The following KAZN variants were observed in gnomAD, a reference collection of about 807,000 sequenced individuals.
KAZN encodes kazrin.
In KAZN, 40 loss-of-function variants were observed where a neutral mutation model predicts 87.4. The observed-to-expected ratio is 0.46, with a 90% confidence interval of 0.36 to 0.60. The LOEUF (loss-of-function observed/expected upper bound fraction) is 0.60, where lower values mean the gene tolerates loss of function less well. Ranked by LOEUF, KAZN falls within the 20% of genes least tolerant of loss-of-function variation. The pLI is 0.00. For synonymous variants in KAZN, 466 were observed against 458.3 expected (o/e 1.02, Z -0.22); for missense variants, 898 against 1,073.9 (o/e 0.84, Z 2.29).
At chr1:14,146,536 C>CAAA (rs55928646) in intron 1 of KAZN, among the ~76,000 whole-genome samples, 34 of 63,436 alleles carry the variant, frequency 5.4e-4, no homozygotes, top group East Asian at 1.5e-3. Context: ...AACTCCATCT[C>CAAA]AAAAAAAAAA....
intron 2 of KAZN, among the ~76,000 whole-genome samples, chr1:14,573,818 T>A (rs1275081566): frequency 6.6e-6 from 1 of 152,232 alleles, no homozygotes; most frequent in East Asian, 1.9e-4. Context: ...TTGTCACTTT[T>A]GAGGATGGAG....
intron 2 of KAZN, among the ~76,000 whole-genome samples, chr1:15,005,399 A>G (rs12048978): frequency 0.17 from 25,594 of 152,050 alleles, 2,405 homozygotes; most frequent in East Asian, 0.35. Flanking sequence ...TGACCCTGCC[A>G]ACTCTGTCCC....
At chr1:14,199,749 A>T (rs1646601854) in intron 2 of KAZN, among the ~76,000 whole-genome samples, 1 of 152,198 alleles carries the variant, frequency 6.6e-6, no homozygotes, top group Non-Finnish European at 1.5e-5. Flanking sequence ...TGCAGCAAAG[A>T]CATATTCAGA....
chr1:14,891,870 TG>T (rs1471236071), intron 1 of KAZN, among the ~76,000 whole-genome samples: 1 of 152,172 alleles, frequency 6.6e-6, no homozygotes, highest in Non-Finnish European at 1.5e-5. Context: ...GTTATTTCCA[TG>T]GTTGGGGGTG....
At chr1:14,474,460 T>C (rs1316996505) in intron 2 of KAZN, among the ~76,000 whole-genome samples, 1 of 152,124 alleles carries the variant, frequency 6.6e-6, no homozygotes, top group Non-Finnish European at 1.5e-5. Flanking sequence ...CTATTCAGGG[T>C]ATAGTAGCAG....
chr1:14,245,154 G>A (rs1649377873), intron 2 of KAZN, among the ~76,000 whole-genome samples: 1 of 151,850 alleles, frequency 6.6e-6, no homozygotes, highest in Non-Finnish European at 1.5e-5. Context: ...TACTAGAGTT[G>A]GGGTTTCACC....
intron 1 of KAZN, among the ~76,000 whole-genome samples, chr1:14,932,066 C>T (rs1418182459): frequency 3.3e-5 from 5 of 152,168 alleles, no homozygotes; most frequent in African/African-American, 1.2e-4. Flanking sequence ...CTCCAGGCTG[C>T]CCACCAGCAC....
chr1:14,639,653 A>AT lies in KAZN; in HGVS notation c.226+40441dup, dbSNP rs371396058. Among the ~76,000 whole-genome samples, 441 of 148,806 alleles carry AT rather than the reference A, an allele frequency of 3.0e-3. 4 individuals are homozygous for AT. In the South Asian group the frequency reaches 0.036, roughly 12 times the overall value. On this transcript the variant is annotated intron_variant, in intron 1 of 14. Coordinates refer to ENST00000376030, the MANE Select transcript of KAZN (RefSeq NM_201628.3). ...CACAAGCTGTTTGTAAACTTCAGCAATTTTTTTTTTTACCATCTCTACTGT... is the reference window on the plus strand; with the variant it reads ...CACAAGCTGTTTGTAAACTTCAGCAATTTTTTTTTTTTACCATCTCTACTGT...
At chr1:14,835,037 G>A (rs148870577) in intron 1 of KAZN, among the ~76,000 whole-genome samples, 1 of 152,314 alleles carries the variant, frequency 6.6e-6, no homozygotes, top group Non-Finnish European at 1.5e-5. Flanking sequence ...GGCTTATTTT[G>A]GCAAGCAGGC....
intron 2 of KAZN, among the ~76,000 whole-genome samples, chr1:15,008,799 C>T (rs946754798): frequency 6.6e-6 from 1 of 152,080 alleles, no homozygotes; most frequent in African/African-American, 2.4e-5. Flanking sequence ...TGGGCAGAGG[C>T]GGCAAAGTCA....
chr1:14,674,687 TG>T (rs1207332099), intron 1 of KAZN, among the ~76,000 whole-genome samples: 1 of 152,250 alleles, frequency 6.6e-6, no homozygotes, highest in African/African-American at 2.4e-5. Flanking sequence ...AACTGGGTCC[TG>T]TAGCTGAAAG....
At chr1:13,966,625 AC>A (rs1471819760) in intron 1 of KAZN, among the ~76,000 whole-genome samples, 1 of 152,148 alleles carries the variant, frequency 6.6e-6, no homozygotes, top group Non-Finnish European at 1.5e-5. Flanking sequence ...CTTGGTGTCT[AC>A]CACAGTAGCC....
At chr1:14,230,610 G>A (rs972252819) in intron 2 of KAZN, among the ~76,000 whole-genome samples, 1 of 152,152 alleles carries the variant, frequency 6.6e-6, no homozygotes, top group East Asian at 1.9e-4. Flanking sequence ...TCTAACTAGA[G>A]ATTTGGTTAA....
intron 1 of KAZN, among the ~76,000 whole-genome samples, chr1:14,899,809 C>T (rs948631519): frequency 4.6e-5 from 7 of 152,142 alleles, no homozygotes; most frequent in South Asian, 2.1e-4. Flanking sequence ...TGTGAGCAAC[C>T]GTCTTAAGCA....
chr1:14,854,007 A>AG (rs984852156), intron 1 of KAZN, among the ~76,000 whole-genome samples: 1 of 152,190 alleles, frequency 6.6e-6, no homozygotes, highest in Non-Finnish European at 1.5e-5. Context: ...AGTCTCAGGC[A>AG]GGGACAATGT....
At chr1:13,986,131 A>G (rs2101094864) in intron 1 of KAZN, among the ~76,000 whole-genome samples, 1 of 152,372 alleles carries the variant, frequency 6.6e-6, no homozygotes, top group Non-Finnish European at 1.5e-5. Flanking sequence ...TTCCAACAGC[A>G]GTGTATGAGA....
At chr1:14,217,121 C>G (rs953221153) in intron 2 of KAZN, among the ~76,000 whole-genome samples, 1 of 152,120 alleles carries the variant, frequency 6.6e-6, no homozygotes, top group African/African-American at 2.4e-5. Context: ...CTTTCCCTCT[C>G]TCTTTGCTCT....
intron 8 of KAZN, among the ~76,000 whole-genome samples, chr1:15,091,395 A>G (rs1485654249): frequency 6.6e-6 from 1 of 152,162 alleles, no homozygotes; most frequent in East Asian, 1.9e-4. Flanking sequence ...CCCAGACTGG[A>G]GTGCAGTGGC....
intron 1 of KAZN, among the ~76,000 whole-genome samples, chr1:14,679,876 A>G (rs888082012): frequency 6.6e-6 from 1 of 152,072 alleles, no homozygotes; most frequent in African/African-American, 2.4e-5. Context: ...TGTTGAGCAT[A>G]ATAAGTGAGG....
Sources: allele counts gnomAD v4.1 joint callset (sites outside exome capture counted in the v4.1 genomes callset), GRCh38; gene constraint gnomAD v4.1.1; transcripts MANE v1.5; gene names NCBI Gene and HGNC (gene_info 2026-07-23, HGNC 2026-07-21).